Variants in USP12 observed in about 807,000 individuals in gnomAD.
USP12 encodes ubiquitin specific peptidase 12.
USP12 carries 19 observed loss-of-function variants against 45.5 expected under a neutral mutation model. That is an observed-to-expected ratio of 0.42 (90% CI 0.29 to 0.61). The LOEUF is 0.61. USP12 is among the 20% of genes least tolerant of loss of function. The pLI is 0.22. For synonymous variants in USP12, 149 were observed against 148.8 expected (o/e 1.00, Z -0.01); for missense variants, 242 against 447.7 (o/e 0.54, Z 4.15).
At chr13:27,084,169 TACACACACACACACACACACACAC>T (rs374948699) in intron 6 of USP12, among the ~76,000 whole-genome samples, 11 of 142,412 alleles carry the variant, frequency 7.7e-5, no homozygotes, top group Non-Finnish European at 1.1e-4. Context: ...CATGTTTGCA[TACACACACACACACACACACACAC>T]ACACACACAC....
chr13:27,170,146 A>C (rs545401749), intron 1 of USP12: 1 of 395,816 alleles, frequency 2.5e-6, no homozygotes, highest in African/African-American at 2.1e-5. Context: ...CCTAAAATGT[A>C]AACTGTGAGA....
chr13:27,156,844 G>GA (rs11390415), intron 1 of USP12, among the ~76,000 whole-genome samples: 20,281 of 151,924 alleles, frequency 0.13, 1,969 homozygotes, highest in African/African-American at 0.28. Context: ...GAGAGAGAGA[G>GA]AAAAAATGAT....
Position 27,069,241 on chromosome 13 carries a change from G to A in USP12, c.*42C>T, listed in dbSNP as rs748820339. On this transcript the variant is annotated 3_prime_UTR_variant, in exon 9 of 9. Coordinates refer to ENST00000282344, the MANE Select transcript of USP12 (RefSeq NM_182488.4). ...CTTGATCCTTTCCAAAATAACCAGA[G>A]AAGAAATGAGGCAGAAAGTGTCTCT... 9.9e-6 allele frequency: 15 copies of A among 1,519,358 alleles called. No homozygotes were observed. In the East Asian group the frequency reaches 2.7e-4, roughly 27 times the overall value. The allele number at this position is 1,519,358 out of a possible 1,614,324, so 94.1% of individuals were successfully genotyped here.
rs1289444305 is a variant in USP12, at chr13:27,086,187, A to ATATATATATAT, written c.734+3695_734+3696insATATATATATA. 3.3e-3 allele frequency among the ~76,000 whole-genome samples: 238 copies of ATATATATATAT among 72,692 alleles called. 4 individuals carry two copies. The highest frequency in any genetic ancestry group is 6.8e-3 in the Middle Eastern group (1 of 148). 47.7% of individuals were successfully genotyped at this position (72,692 alleles called of 152,430 possible). A position where few individuals can be genotyped will look rare whatever the true frequency, so the allele number is the denominator to read the frequency against. On this transcript the variant is annotated intron_variant, in intron 6 of 8. Coordinates refer to ENST00000282344, the MANE Select transcript of USP12 (RefSeq NM_182488.4). ...CTTTTGTCTCTTTAAAAAAAAAAAA[A>ATATATATATAT]AAAAAAAAAAATATATATATATATA... is the stretch of plus-strand genomic sequence containing the variant.
chr13:27,158,303 G>C (rs2137839920), intron 1 of USP12, among the ~76,000 whole-genome samples: 1 of 152,298 alleles, frequency 6.6e-6, no homozygotes, highest in African/African-American at 2.4e-5. Flanking sequence ...CCAGTAGCTA[G>C]GGTAGAAAAT....
intron 1 of USP12, among the ~76,000 whole-genome samples, chr13:27,141,978 G>C (rs967894268): frequency 1.3e-5 from 2 of 152,070 alleles, no homozygotes; most frequent in Non-Finnish European, 2.9e-5. Context: ...AGTTGGGCGT[G>C]GTACATGATG....
chr13:27,156,149 T>C (rs747859932), intron 1 of USP12, among the ~76,000 whole-genome samples: 1 of 151,112 alleles, frequency 6.6e-6, no homozygotes, highest in Non-Finnish European at 1.5e-5. Context: ...AGACACGACA[T>C]TCCACTGCAA....
At chr13:27,075,099 G>C (rs1873416373) in intron 7 of USP12, 92 bp downstream of exon 7, 3 of 1,223,904 alleles carry the variant, frequency 2.5e-6, no homozygotes, top group Admixed American at 2.6e-5. Flanking sequence ...ATTTCTAAAA[G>C]TTCTATATAT....
At position 27,068,569 on chromosome 13, in the gene USP12, C is replaced by T. The variant is rs1873098071; in HGVS notation, c.*714G>A. On this transcript the variant is annotated 3_prime_UTR_variant, in exon 9 of 9. Transcript: ENST00000282344. The stretch of plus-strand genomic sequence containing the variant: ...AAATTTACTGACAGAATCATGGGCA[C>T]TTCATATAATACTTAGACTCTACCA... 1 of 152,140 alleles carries T rather than the reference C, an allele frequency of 6.6e-6. No homozygotes were observed. Among genetic ancestry groups the T allele is most frequent in the African/African-American group, 2.4e-5 (1 of 41,420 alleles). 9.4% of individuals were successfully genotyped at this position (152,140 alleles called of 1,614,324 possible).
At chr13:27,085,504 A>G (rs1334100746) in intron 6 of USP12, among the ~76,000 whole-genome samples, 1 of 151,992 alleles carries the variant, frequency 6.6e-6, no homozygotes, top group Non-Finnish European at 1.5e-5. Context: ...TTGGTTTTTT[A>G]CTAAGAACTA....
At chr13:27,128,203 C>G (rs933499417) in intron 1 of USP12, among the ~76,000 whole-genome samples, 1 of 152,182 alleles carries the variant, frequency 6.6e-6, no homozygotes, top group Non-Finnish European at 1.5e-5. Flanking sequence ...AGCTTTTGAT[C>G]TGTAAATGTT....
At chr13:27,151,296 G>C (rs939449529) in intron 1 of USP12, among the ~76,000 whole-genome samples, 5 of 151,852 alleles carry the variant, frequency 3.3e-5, no homozygotes, top group Admixed American at 6.6e-5. Flanking sequence ...CAGCGACAAA[G>C]CAAGATTCTG....
At position 27,069,391 on chromosome 13, in the gene USP12, G is replaced by C; in HGVS notation, c.1012-7C>G. On this transcript the variant is annotated splice_polypyrimidine_tract_variant and splice_region_variant and intron_variant, in intron 8 of 8. Coordinates refer to ENST00000282344, the MANE Select transcript of USP12 (RefSeq NM_182488.4). ...TAGCTTGTGCATCTATTTTCTGTGAGGTAAAATGTAAACATTAGTACATAA... is the reference window on the plus strand; with the variant it reads ...TAGCTTGTGCATCTATTTTCTGTGACGTAAAATGTAAACATTAGTACATAA... 6.2e-7 allele frequency: 1 copy of C among 1,605,606 alleles called. No individual in the cohort carries two copies. The highest frequency in any genetic ancestry group is 8.5e-7 in the Non-Finnish European group (1 of 1,172,618).
Position 27,066,794 on chromosome 13 carries a change from C to T in USP12, c.*2489G>A. On this transcript the variant is annotated 3_prime_UTR_variant, in exon 9 of 9. Transcript: ENST00000282344. ...GCCACCACTTACAACTTACACCAGC[C>T]CCGCATTTTAATCACAGTCAACCAA... 6.6e-6 allele frequency: 1 copy of T among 152,136 alleles called. No homozygotes were observed. Among genetic ancestry groups the T allele is most frequent in the Non-Finnish European group, 1.5e-5 (1 of 68,032 alleles). 9.4% of individuals were successfully genotyped at this position (152,136 alleles called of 1,614,324 possible). A position where few individuals can be genotyped will look rare whatever the true frequency, so the allele number is the denominator to read the frequency against.
At chr13:27,166,664 TA>T (rs1328793283) in intron 1 of USP12, among the ~76,000 whole-genome samples, 7 of 152,182 alleles carry the variant, frequency 4.6e-5, no homozygotes, top group Non-Finnish European at 1.0e-4. Context: ...ACATGCCACA[TA>T]ATTGAATATG....
intron 8 of USP12, among the ~76,000 whole-genome samples, chr13:27,070,182 G>A (rs551470962): frequency 3.0e-4 from 45 of 152,168 alleles, no homozygotes; most frequent in Non-Finnish European, 4.9e-4. Flanking sequence ...ATATATCAAT[G>A]AGTGAATAAA....
intron 1 of USP12, among the ~76,000 whole-genome samples, chr13:27,137,956 A>T (rs7328829): frequency 0.75 from 113,751 of 152,196 alleles, 45,183 homozygotes; most frequent in South Asian, 0.92. Context: ...GCTGCCAACT[A>T]GGAACCAGAA....
At chr13:27,170,030 A>T (rs554825578) in intron 1 of USP12, 1 of 306,296 alleles carries the variant, frequency 3.3e-6, no homozygotes, top group Admixed American at 5.0e-5. Context: ...TAATTATCGC[A>T]TTCCTTTTGA....
chr13:27,102,920 G>A (rs550168946), intron 3 of USP12, among the ~76,000 whole-genome samples: 4 of 152,320 alleles, frequency 2.6e-5, no homozygotes, highest in African/African-American at 9.6e-5. Context: ...CCCATCAGCA[G>A]GTAACATGCA....
Sources: gnomAD v4.1 joint callset for allele counts (sites outside exome capture counted in the v4.1 genomes callset) on GRCh38, gnomAD v4.1.1 for gene constraint, MANE v1.5 for transcripts, NCBI Gene and HGNC (gene_info 2026-07-23, HGNC 2026-07-21) for gene names.